The following RNF150 variants were observed in gnomAD, a reference collection of about 807,000 sequenced individuals.
RNF150 encodes ring finger protein 150.
RNF150 carries 24 observed loss-of-function variants against 39.3 expected under a neutral mutation model. The observed-to-expected ratio is 0.61, with a 90% CI of 0.44 to 0.86. The LOEUF is 0.86. RNF150 is among the 40% of genes least tolerant of loss of function. The probability of loss-of-function intolerance (pLI) is 0.00; values close to 1 mark genes in which losing one functional copy is unlikely to be tolerated. For missense variants in RNF150, 502 were observed against 587.8 expected (o/e 0.85, Z 1.51); for synonymous variants, 255 against 227.3 (o/e 1.12, Z -1.10).
At chr4:141,050,972 G>C (rs1192074480) in intron 1 of RNF150, among the ~76,000 whole-genome samples, 1 of 152,164 alleles carries the variant, frequency 6.6e-6, no homozygotes, top group Non-Finnish European at 1.5e-5. Context: ...TGTCCCTGTA[G>C]CAAACTTCTG....
chr4:140,963,928 T>C (rs1321921375), intron 2 of RNF150, among the ~76,000 whole-genome samples: 8 of 151,926 alleles, frequency 5.3e-5, no homozygotes, highest in Non-Finnish European at 1.2e-4. Context: ...TATCTCAATC[T>C]AGAAGACTAC....
intron 1 of RNF150, among the ~76,000 whole-genome samples, chr4:140,999,663 G>A (rs530662349): frequency 7.2e-5 from 11 of 152,134 alleles, no homozygotes; most frequent in Admixed American, 2.6e-4. Flanking sequence ...GGCCACGTGC[G>A]GCGGCTCACA....
chr4:140,898,518 ATGTC>A (rs1730045390), intron 6 of RNF150, among the ~76,000 whole-genome samples: 2 of 152,250 alleles, frequency 1.3e-5, no homozygotes, highest in South Asian at 4.1e-4. Flanking sequence ...TTAGGTACAA[ATGTC>A]TGACACATAT....
chr4:141,104,694 A>C (rs933570067), intron 1 of RNF150, among the ~76,000 whole-genome samples: 2 of 152,234 alleles, frequency 1.3e-5, no homozygotes, highest in Admixed American at 6.5e-5. Flanking sequence ...TGAATCGTCA[A>C]CTTCCTTTTG....
intron 4 of RNF150, among the ~76,000 whole-genome samples, chr4:140,934,428 A>G (rs1375921615): frequency 1.3e-5 from 2 of 152,164 alleles, no homozygotes; most frequent in Non-Finnish European, 2.9e-5. Context: ...GCAAGCAAAT[A>G]TGATAGCAGT....
intron 1 of RNF150, among the ~76,000 whole-genome samples, chr4:141,060,549 C>A (rs1737175422): frequency 1.3e-5 from 2 of 152,114 alleles, no homozygotes; most frequent in Non-Finnish European, 2.9e-5. Flanking sequence ...GATAAATAGT[C>A]AAATCTGAAA....
At chr4:141,204,679 C>T (rs77708811) in intron 1 of RNF150, among the ~76,000 whole-genome samples, 7,303 of 152,204 alleles carry the variant, frequency 0.048, 585 homozygotes, top group African/African-American at 0.17. Context: ...TCTTGATGTA[C>T]ATTATCCAAA....
chr4:141,001,300 C>A (rs1222308468), intron 1 of RNF150, among the ~76,000 whole-genome samples: 2 of 151,568 alleles, frequency 1.3e-5, no homozygotes, highest in Non-Finnish European at 2.9e-5. Flanking sequence ...TTTATGTATA[C>A]CTCTCTTCTT....
chr4:141,012,442 T>C (rs1201289289), intron 1 of RNF150, among the ~76,000 whole-genome samples: 1 of 152,196 alleles, frequency 6.6e-6, no homozygotes, highest in African/African-American at 2.4e-5. Context: ...GTTTATCAAC[T>C]CAGCAAAATG....
chr4:141,210,479 G>T (rs1728444282), intron 1 of RNF150, among the ~76,000 whole-genome samples: 1 of 127,710 alleles, frequency 7.8e-6, no homozygotes. Flanking sequence ...GCTGGTTGCA[G>T]TTTCAGCTTT....
At chr4:140,989,333 G>C (rs573610805) in intron 1 of RNF150, among the ~76,000 whole-genome samples, 1 of 152,196 alleles carries the variant, frequency 6.6e-6, no homozygotes, top group African/African-American at 2.4e-5. Flanking sequence ...AAGTACCGAT[G>C]TTAAGCCGAT....
chr4:141,025,187 TAA>T (rs1327977680), intron 1 of RNF150, among the ~76,000 whole-genome samples: 1 of 151,982 alleles, frequency 6.6e-6, no homozygotes, highest in African/African-American at 2.4e-5. Context: ...CCTAAAATAC[TAA>T]AGTCGTAAAA....
chr4:141,070,797 G>A (rs1209120303), intron 1 of RNF150, among the ~76,000 whole-genome samples: 1 of 149,080 alleles, frequency 6.7e-6, no homozygotes, highest in Non-Finnish European at 1.5e-5. Flanking sequence ...CTGTAAACTA[G>A]TTCAACCATT....
At chr4:141,128,571 A>T (rs1726810084) in intron 1 of RNF150, among the ~76,000 whole-genome samples, 2 of 152,278 alleles carry the variant, frequency 1.3e-5, no homozygotes, top group African/African-American at 4.8e-5. Flanking sequence ...TTTGCCTATA[A>T]CTGAAAGTTC....
chr4:140,934,388 T>C (rs1731759304), intron 4 of RNF150, among the ~76,000 whole-genome samples: 1 of 152,164 alleles, frequency 6.6e-6, no homozygotes, highest in Non-Finnish European at 1.5e-5. Context: ...ATATTCTGGC[T>C]GTAGTTATAA....
chr4:141,124,818 ATCTG>A (rs1373604388), intron 1 of RNF150, among the ~76,000 whole-genome samples: 10 of 152,232 alleles, frequency 6.6e-5, no homozygotes, highest in Non-Finnish European at 8.8e-5. Context: ...ATGTACTCAT[ATCTG>A]TCTGCCTAGA....
rs565129898 is a variant in RNF150 at position 141,198,258 on chromosome 4, C to A, written c.-6+14536G>T. Among the ~76,000 whole-genome samples, 18 of 152,194 alleles carry A rather than the reference C, an allele frequency of 1.2e-4. No homozygotes were observed. The South Asian group carries it at 3.5e-3, about 30-fold the overall frequency. ...GCCAGGCTGGTCTCGAACTCCTGACCTCAGGTGATCCACCTGCCTCGGCCT... is the reference window on the plus strand; with the variant it reads ...GCCAGGCTGGTCTCGAACTCCTGACATCAGGTGATCCACCTGCCTCGGCCT... On this transcript the variant is annotated intron_variant, in intron 1 of 7. Transcript: ENST00000420921.
At chr4:141,067,926 C>G in intron 1 of RNF150, among the ~76,000 whole-genome samples, 1 of 151,160 alleles carries the variant, frequency 6.6e-6, no homozygotes. Context: ...AATATCTTTT[C>G]TACCACTGGA....
At chr4:140,958,144 G>A (rs1376436939) in intron 2 of RNF150, among the ~76,000 whole-genome samples, 1 of 152,102 alleles carries the variant, frequency 6.6e-6, no homozygotes, top group Non-Finnish European at 1.5e-5. Flanking sequence ...GGTACTATAA[G>A]TAAACAAGAG....
Sources: allele counts gnomAD v4.1 joint callset (sites outside exome capture counted in the v4.1 genomes callset), GRCh38; gene constraint gnomAD v4.1.1; transcripts MANE v1.5; gene names NCBI Gene and HGNC (gene_info 2026-07-23, HGNC 2026-07-21).